ABLIM1: variants seen among roughly 807,000 people sequenced by gnomAD.
ABLIM1 encodes the protein actin binding LIM protein 1, also known as actin-binding LIM protein 1.
A neutral mutation model predicts 107.0 loss-of-function variants in ABLIM1; 40 were observed. That is an observed-to-expected ratio of 0.37 (90% CI 0.29 to 0.49). ABLIM1 has a LOEUF of 0.49. Ranked by LOEUF, ABLIM1 falls within the 20% of genes least tolerant of loss-of-function variation. The pLI is 0.97. For synonymous variants in ABLIM1, 357 were observed against 357.3 expected, an observed-to-expected ratio of 1.00 and a Z score of 0.01; for missense variants, 857 against 1,008.5, an observed-to-expected ratio of 0.85 and a Z score of 2.04.
chr10:114,651,703 ACTAT>A (rs1481121275), intron 1 of ABLIM1, among the ~76,000 whole-genome samples: 3 of 152,290 alleles, frequency 2.0e-5, no homozygotes, highest in Admixed American at 2.0e-4. Context: ...AAAAATGCAA[ACTAT>A]CTAATGCTTT....
intron 11 of ABLIM1, among the ~76,000 whole-genome samples, chr10:114,467,641 C>A (rs1158437569): frequency 6.6e-6 from 1 of 152,128 alleles, no homozygotes; most frequent in Non-Finnish European, 1.5e-5. Context: ...TAATTCATAG[C>A]AGTCATAAAC....
chr10:114,754,179 T>C (rs929370565), intron 1 of ABLIM1, among the ~76,000 whole-genome samples: 2 of 152,146 alleles, frequency 1.3e-5, no homozygotes, highest in African/African-American at 2.4e-5. Context: ...AGAACAAACC[T>C]ATAAGGAAAT....
chr10:114,541,909 C>T lies in ABLIM1; in HGVS notation c.894+3096G>A, dbSNP rs553841608. On this transcript the variant is annotated intron_variant, in intron 6 of 22. Coordinates refer to ENST00000533213, the MANE Select transcript of ABLIM1 (RefSeq NM_002313.7). ...AATCTGAAGGGAATCAACACACACACACACACACACACACTCACACACTCA... is the reference window on the plus strand; with the variant it reads ...AATCTGAAGGGAATCAACACACACATACACACACACACACTCACACACTCA... Among the ~76,000 whole-genome samples, 319 of 151,990 alleles carry T rather than the reference C, an allele frequency of 2.1e-3. 2 individuals are homozygous for T. The highest frequency in any genetic ancestry group is 7.4e-3 in the African/African-American group (307 of 41,504).
At chr10:114,569,273 C>T (rs1381025823) in intron 4 of ABLIM1, among the ~76,000 whole-genome samples, 1 of 152,056 alleles carries the variant, frequency 6.6e-6, no homozygotes, top group African/African-American at 2.4e-5. Flanking sequence ...ACAGCTATCA[C>T]CATATTCTGG....
intron 1 of ABLIM1, among the ~76,000 whole-genome samples, chr10:114,648,386 T>C (rs961842711): frequency 6.6e-6 from 1 of 152,220 alleles, no homozygotes; most frequent in African/African-American, 2.4e-5. Flanking sequence ...ACCGCCTCGA[T>C]GAGCCTTAAA....
At chr10:114,673,256 T>TA (rs10712808) in intron 1 of ABLIM1, among the ~76,000 whole-genome samples, 16,579 of 130,024 alleles carry the variant, frequency 0.13, 1,569 homozygotes, top group East Asian at 0.58. Flanking sequence ...AGACTCCAGC[T>TA]AAAAAAAAAA....
intron 1 of ABLIM1, among the ~76,000 whole-genome samples, chr10:114,700,491 A>AACAC (rs149691121): frequency 1.3e-3 from 189 of 148,548 alleles, no homozygotes; most frequent in African/African-American, 4.0e-3. Flanking sequence ...AAACAATTAA[A>AACAC]ACACACACAC....
intron 10 of ABLIM1, among the ~76,000 whole-genome samples, chr10:114,469,769 G>A (rs1292805494): frequency 6.6e-6 from 1 of 152,248 alleles, no homozygotes; most frequent in Non-Finnish European, 1.5e-5. Flanking sequence ...CTGGGACACA[G>A]TAGTTGCTCA....
At chr10:114,540,940 T>C (rs2066578533) in intron 6 of ABLIM1, among the ~76,000 whole-genome samples, 3 of 152,174 alleles carry the variant, frequency 2.0e-5, no homozygotes, top group South Asian at 4.1e-4. Flanking sequence ...GAAGAGTCTT[T>C]GCAGATGTAA....
chr10:114,692,486 G>A (rs1449501905), intron 1 of ABLIM1, among the ~76,000 whole-genome samples: 1 of 152,128 alleles, frequency 6.6e-6, no homozygotes, highest in Non-Finnish European at 1.5e-5. Context: ...TCTGTTCCTT[G>A]CAATGATCTT....
At chr10:114,443,548 G>A (rs1356294100) in intron 17 of ABLIM1, among the ~76,000 whole-genome samples, 1 of 151,702 alleles carries the variant, frequency 6.6e-6, no homozygotes, top group Non-Finnish European at 1.5e-5. Context: ...CCTGACCTCA[G>A]GTGATCCGCC....
At chr10:114,624,405 C>G (rs891240266) in intron 1 of ABLIM1, among the ~76,000 whole-genome samples, 2 of 152,310 alleles carry the variant, frequency 1.3e-5, no homozygotes, top group African/African-American at 4.8e-5. Context: ...AGTACATCTT[C>G]TGCAGGAATT....
At chr10:114,497,681 C>CAAAAAAAAAAAA (rs576676119) in intron 6 of ABLIM1, among the ~76,000 whole-genome samples, 1 of 75,592 alleles carries the variant, frequency 1.3e-5, no homozygotes, top group Non-Finnish European at 2.5e-5. Flanking sequence ...GATTCTGTCT[C>CAAAAAAAAAAAA]AAAAAAAAAA....
At chr10:114,575,939 G>T (rs1357569319) in intron 2 of ABLIM1, among the ~76,000 whole-genome samples, 1 of 152,144 alleles carries the variant, frequency 6.6e-6, no homozygotes, top group Non-Finnish European at 1.5e-5. Context: ...TTTAGGAAAG[G>T]TGCCCACTGC....
At chr10:114,571,215 G>A (rs1037349165) in intron 4 of ABLIM1, 82 bp downstream of exon 4, 45 of 1,168,174 alleles carry the variant, frequency 3.9e-5, no homozygotes, top group Middle Eastern at 2.0e-4. Flanking sequence ...AGCTAACAGC[G>A]TTTCTCAAAA....
intron 11 of ABLIM1, 84 bp from the exon 12 acceptor site, chr10:114,465,911 T>C: frequency 1.4e-6 from 2 of 1,457,034 alleles, no homozygotes; most frequent in Non-Finnish European, 1.9e-6. Context: ...GGAACCATCA[T>C]GTCTACTTGT....
the ABLIM1 span, among the ~76,000 whole-genome samples, chr10:114,800,281 T>C: frequency 6.6e-6 from 1 of 152,154 alleles, no homozygotes; most frequent in Non-Finnish European, 1.5e-5. Context: ...CAGGAGACAG[T>C]ATTCGACATC....
chr10:114,718,112 AAAGAAAGAAAAAGAAAG>A (rs1375510274), intron 1 of ABLIM1, among the ~76,000 whole-genome samples: 1 of 31,906 alleles, frequency 3.1e-5, no homozygotes, highest in African/African-American at 5.9e-5. Flanking sequence ...AAAGAAAAAG[AAAGAAAGAAAAAGAAAG>A]AAAAGAAAGA....
At chr10:114,625,891 T>C (rs913731046) in intron 1 of ABLIM1, among the ~76,000 whole-genome samples, 1 of 152,226 alleles carries the variant, frequency 6.6e-6, no homozygotes, top group Non-Finnish European at 1.5e-5. Context: ...CTTACCTTGA[T>C]GGGTTCGAAG....
Sources: gnomAD v4.1 joint callset for allele counts (sites outside exome capture counted in the v4.1 genomes callset) on GRCh38, gnomAD v4.1.1 for gene constraint, MANE v1.5 for transcripts, NCBI Gene and HGNC (gene_info 2026-07-23, HGNC 2026-07-21) for gene names.